The following GNB1 variants were observed in gnomAD, a reference collection of about 807,000 sequenced individuals.
GNB1 encodes guanine nucleotide-binding protein G(I)/G(S)/G(T) subunit beta-1.
In GNB1, 2 loss-of-function variants were observed where a neutral mutation model predicts 42.9. The ratio of observed to expected loss-of-function variants is 0.05; its 90% CI spans 0.02 to 0.15. The LOEUF (loss-of-function observed/expected upper bound fraction) is 0.15. GNB1 is among the 10% of genes least tolerant of loss of function. The probability of loss-of-function intolerance (pLI) is 1.00; values close to 1 mark genes in which losing one functional copy is unlikely to be tolerated. For missense variants in GNB1, 193 were observed against 462.2 expected (o/e 0.42, Z 5.34); for synonymous variants, 183 against 174.7 (o/e 1.05, Z -0.38).
Position 1,810,286 on chromosome 1 carries a change from C to T in GNB1, c.204-3748G>A, listed in dbSNP as rs185336498. Among the ~76,000 whole-genome samples, 154 of 151,674 alleles carry T rather than the reference C, an allele frequency of 1.0e-3. No homozygotes were observed. In the South Asian group the frequency reaches 0.012, roughly 11 times the overall value. Reference sequence around the variant, plus strand: ...TTCATTGAGTTAGCCAGGATGGTCTCGATCTCCTGACCTCGTGATCCGCCC... The same window carrying T: ...TTCATTGAGTTAGCCAGGATGGTCTTGATCTCCTGACCTCGTGATCCGCCC... On this transcript the variant is annotated intron_variant, in intron 5 of 11. Coordinates refer to ENST00000378609, the MANE Select transcript of GNB1 (RefSeq NM_002074.5).
At chr1:1,878,869 T>C (rs527245031) in intron 1 of GNB1, among the ~76,000 whole-genome samples, 2 of 152,300 alleles carry the variant, frequency 1.3e-5, no homozygotes, top group East Asian at 3.9e-4. Flanking sequence ...CCACTGGAAC[T>C]CACTGGCCCT....
chr1:1,803,620 C>T (rs1211659722), intron 7 of GNB1, among the ~76,000 whole-genome samples: 1 of 152,166 alleles, frequency 6.6e-6, no homozygotes, highest in East Asian at 1.9e-4. Context: ...GCATATCAGG[C>T]TTGTTTTTAG....
intron 1 of GNB1, among the ~76,000 whole-genome samples, chr1:1,873,587 T>C (rs764093228): frequency 6.6e-6 from 1 of 152,194 alleles, no homozygotes; most frequent in African/African-American, 2.4e-5. Context: ...ATATAACTGA[T>C]GTAAGGCCAT....
At chr1:1,834,665 C>T (rs1647120833) in intron 2 of GNB1, among the ~76,000 whole-genome samples, 1 of 137,584 alleles carries the variant, frequency 7.3e-6, no homozygotes, top group South Asian at 2.3e-4. Context: ...AAACTCCAAG[C>T]ACTTTTTTTT....
chr1:1,878,940 A>G (rs777937305), intron 1 of GNB1, among the ~76,000 whole-genome samples: 1 of 152,174 alleles, frequency 6.6e-6, no homozygotes, highest in South Asian at 2.1e-4. Flanking sequence ...CTGCTCTCAG[A>G]ATACCTTCTG....
At position 1,837,237 on chromosome 1, in the gene GNB1, A is replaced by G. The variant is rs553597944; in HGVS notation, c.-47+1953T>C. ...CTAATTTTACGTTTTATATTTAGGTATATGATCCATTGAGTTAATTTTTTT... is the reference window on the plus strand; with the variant it reads ...CTAATTTTACGTTTTATATTTAGGTGTATGATCCATTGAGTTAATTTTTTT... On this transcript the variant is annotated intron_variant, in intron 2 of 11. Coordinates refer to ENST00000378609, the MANE Select transcript of GNB1 (RefSeq NM_002074.5). Among the ~76,000 whole-genome samples, 14 of 151,590 alleles carry G rather than the reference A, an allele frequency of 9.2e-5. No homozygotes were observed. In the South Asian group the frequency reaches 2.9e-3, roughly 32 times the overall value.
intron 5 of GNB1, among the ~76,000 whole-genome samples, chr1:1,811,332 C>T (rs949363651): frequency 6.6e-6 from 1 of 152,152 alleles, no homozygotes; most frequent in African/African-American, 2.4e-5. Context: ...AAGCGATCCA[C>T]CTGACTTGGC....
At chr1:1,831,833 C>A (rs1377166472) in intron 2 of GNB1, among the ~76,000 whole-genome samples, 3 of 149,302 alleles carry the variant, frequency 2.0e-5, no homozygotes, top group Non-Finnish European at 4.4e-5. Flanking sequence ...CTGAGGCTGG[C>A]AGATGGCTTG....
chr1:1,801,629 A>G (rs900262469), intron 7 of GNB1, among the ~76,000 whole-genome samples: 2 of 152,198 alleles, frequency 1.3e-5, no homozygotes, highest in African/African-American at 4.8e-5. Flanking sequence ...GCCCACAGAC[A>G]AAGTAAAATA....
intron 1 of GNB1, among the ~76,000 whole-genome samples, chr1:1,863,117 C>T (rs1161971800): frequency 6.6e-6 from 1 of 152,156 alleles, no homozygotes; most frequent in East Asian, 1.9e-4. Context: ...GGCGTCTGTT[C>T]ATCAGATGAA....
chr1:1,834,963 C>T (rs905801938), intron 2 of GNB1, among the ~76,000 whole-genome samples: 11 of 152,090 alleles, frequency 7.2e-5, no homozygotes, highest in Admixed American at 3.3e-4. Flanking sequence ...CCACTGCACC[C>T]GGCCTCCAAG....
At chr1:1,834,650 A>C (rs990112150) in intron 2 of GNB1, among the ~76,000 whole-genome samples, 4 of 148,662 alleles carry the variant, frequency 2.7e-5, no homozygotes, top group Admixed American at 6.9e-5. Flanking sequence ...ACAACAGAGG[A>C]GGCTAAACTC....
At position 1,790,252 on chromosome 1, in the gene GNB1, G is replaced by A. The variant is rs1039096390; in HGVS notation, c.699+143C>T. On this transcript the variant is annotated intron_variant, in intron 9 of 11. Transcript: ENST00000378609. This position sits in a 1 kb window ranked among gnomAD's most constrained non-coding sequence, Gnocchi z 5.4. ...AACACAGAGAAGTTTCCCATCGGGA[G>A]TTTTCTGTATCCCCATCTGTACATG... The A allele has an allele frequency of 1.6e-6, 1 of 635,548 alleles. No individual in the cohort carries two copies. Among genetic ancestry groups the A allele is most frequent in the Non-Finnish European group, 2.8e-6 (1 of 358,264 alleles). 39.4% of individuals were successfully genotyped at this position (635,548 alleles called of 1,614,324 possible).
intron 1 of GNB1, among the ~76,000 whole-genome samples, chr1:1,865,278 ACAAAAAAAAAC>A (rs1175504345): frequency 2.4e-5 from 3 of 127,410 alleles, no homozygotes; most frequent in Admixed American, 8.0e-5. Flanking sequence ...CAAAAAAAAA[ACAAAAAAAAAC>A]CAAAAAAAAA....
intron 1 of GNB1, among the ~76,000 whole-genome samples, chr1:1,883,659 T>C (rs1338571105): frequency 6.6e-6 from 1 of 152,116 alleles, no homozygotes; most frequent in Admixed American, 6.6e-5. Context: ...GACACAGAAG[T>C]CCTAACACTG....
In GNB1 at chr1:1,794,939, C is replaced by T. The variant is rs544948303; in HGVS notation, c.431-1628G>A. On this transcript the variant is annotated intron_variant, in intron 7 of 11. Transcript: ENST00000378609. ...TCTTGACCTTGTGATCCACCCACCTCGGCTTCCCAAAGTGCTAGGATTACA... is the reference window on the plus strand; with the variant it reads ...TCTTGACCTTGTGATCCACCCACCTTGGCTTCCCAAAGTGCTAGGATTACA... Among the ~76,000 whole-genome samples the T allele has an allele frequency of 7.2e-5, 11 of 152,312 alleles. No homozygotes were observed. The South Asian group carries it at 1.9e-3, about 26-fold the overall frequency.
At position 1,786,078 on chromosome 1, in the gene GNB1, TAGAA is replaced by T. The variant is rs1389695195; in HGVS notation, c.*981_*984del. On this transcript the variant is annotated 3_prime_UTR_variant, in exon 12 of 12. Coordinates refer to ENST00000378609, the MANE Select transcript of GNB1 (RefSeq NM_002074.5). ...CAATCAAAATTTTTAAAATTTAACT[TAGAA>T]AGTCTGAGATCATTATTTTCAAAAC... The T allele has an allele frequency of 1.3e-5, 5 of 398,594 alleles. No homozygotes were observed. The highest frequency in any genetic ancestry group is 3.6e-5 in the East Asian group (1 of 28,080). 24.7% of individuals were successfully genotyped at this position (398,594 alleles called of 1,614,324 possible).
intron 7 of GNB1, among the ~76,000 whole-genome samples, chr1:1,800,672 A>T (rs1646611916): frequency 6.6e-6 from 1 of 151,960 alleles, no homozygotes; most frequent in Non-Finnish European, 1.5e-5. Context: ...TAGATTCAAG[A>T]TGCCAAAGTG....
intron 7 of GNB1, among the ~76,000 whole-genome samples, chr1:1,800,934 C>A (rs753019047): frequency 3.9e-5 from 6 of 152,254 alleles, no homozygotes; most frequent in Non-Finnish European, 7.3e-5. Flanking sequence ...CCGGGTAGGG[C>A]TCCCGGCCGA....
Sources: gnomAD v4.1 joint callset for allele counts (sites outside exome capture counted in the v4.1 genomes callset) on GRCh38, gnomAD v4.1.1 for gene constraint, Gnocchi (gnomAD v3.1) non-coding constraint, MANE v1.5 for transcripts, NCBI Gene and HGNC (gene_info 2026-07-23, HGNC 2026-07-21) for gene names.